Variants in KDM2B observed in about 807,000 individuals in gnomAD.
KDM2B encodes the protein lysine demethylase 2B.
A neutral mutation model predicts 150.0 loss-of-function variants in KDM2B; 26 were observed. That is an observed-to-expected ratio of 0.17 (90% CI 0.13 to 0.24). The LOEUF is 0.24. KDM2B is among the 10% of genes least tolerant of loss of function. The pLI is 1.00. For missense variants in KDM2B, 1,265 were observed against 1,816.9 expected (o/e 0.70, Z 5.52); for synonymous variants, 734 against 729.5 (o/e 1.01, Z -0.10).
At chr12:121,421,250 A>G in the KDM2B span, among the ~76,000 whole-genome samples, 1 of 151,886 alleles carries the variant, frequency 6.6e-6, no homozygotes, top group African/African-American at 2.4e-5. Flanking sequence ...AGAACTTCTG[A>G]ACTAGGCTGG....
chr12:121,550,320 A>AAAAG (rs1247842026), intron 4 of KDM2B, among the ~76,000 whole-genome samples: 2 of 151,816 alleles, frequency 1.3e-5, no homozygotes, highest in Non-Finnish European at 2.9e-5. Context: ...AAAAAAAAAA[A>AAAAG]AAAGAAAGAA....
At chr12:121,547,989 C>T (rs1215026459) in intron 6 of KDM2B, among the ~76,000 whole-genome samples, 2 of 152,166 alleles carry the variant, frequency 1.3e-5, no homozygotes, top group African/African-American at 2.4e-5. Context: ...TCAAAGGTGA[C>T]TTCCTCCTCC....
chr12:121,543,894 G>A (rs756846205), intron 6 of KDM2B, among the ~76,000 whole-genome samples: 5 of 151,820 alleles, frequency 3.3e-5, no homozygotes, highest in South Asian at 4.2e-4. Flanking sequence ...GGCCAAGGTC[G>A]GTGGACCACT....
chr12:121,558,258 CGA>C (rs782524579), intron 4 of KDM2B, among the ~76,000 whole-genome samples: 36 of 151,980 alleles, frequency 2.4e-4, no homozygotes, highest in Non-Finnish European at 2.4e-4. Flanking sequence ...ATCTGACACA[CGA>C]CTTCACAGAC....
At chr12:121,531,839 TC>T (rs1226752655) in intron 8 of KDM2B, among the ~76,000 whole-genome samples, 2 of 152,108 alleles carry the variant, frequency 1.3e-5, no homozygotes, top group African/African-American at 2.4e-5. Flanking sequence ...ACATGTGTAA[TC>T]CTAGCACTTT....
chr12:121,416,290 G>A, the KDM2B span: 3 of 1,614,142 alleles, frequency 1.9e-6, no homozygotes, highest in East Asian at 4.5e-5. Flanking sequence ...CAAACCCTGA[G>A]TTTTCCACCT....
At chr12:121,578,661 C>T (rs1243599773) in intron 2 of KDM2B, 141 bp downstream of exon 2, 1 of 328,416 alleles carries the variant, frequency 3.0e-6, no homozygotes, top group Non-Finnish European at 5.4e-6. Flanking sequence ...CCCACCCCCC[C>T]AGTGCTCGGC....
At chr12:121,425,293 C>T (rs904850600), downstream of KDM2B, among the ~76,000 whole-genome samples, 6 of 129,252 alleles carry the variant, frequency 4.6e-5, no homozygotes, top group African/African-American at 2.0e-4. Flanking sequence ...GGGCGACGAG[C>T]GAAACTCCGT....
intron 12 of KDM2B, chr12:121,470,596 T>C (rs1201495836): frequency 6.6e-6 from 1 of 152,080 alleles, no homozygotes; most frequent in African/African-American, 2.4e-5. Context: ...CCCCATAAGG[T>C]GGGTACTTGA....
intron 4 of KDM2B, among the ~76,000 whole-genome samples, chr12:121,570,173 C>T (rs781911734): frequency 6.6e-6 from 1 of 152,094 alleles, no homozygotes; most frequent in East Asian, 1.9e-4. Context: ...CCTCAGCCCC[C>T]CAAGTAGCTG....
At chr12:121,447,242 C>G (rs1417521291) in intron 13 of KDM2B, among the ~76,000 whole-genome samples, 1 of 150,606 alleles carries the variant, frequency 6.6e-6, no homozygotes, top group African/African-American at 2.5e-5. Context: ...AATTCCAGGT[C>G]TTCTCTTTTT....
rs536591216 is a variant in KDM2B at position 121,562,477 on chromosome 12, C to G, written c.397+12070G>C. ...CCAGCCTGAGCAACAGAGTGAGACT[C>G]TGTCTCAAAAAAAAAGTCTGGGGAC... On this transcript the variant is annotated intron_variant, in intron 4 of 22. Transcript: ENST00000377071. 3.9e-4 allele frequency among the ~76,000 whole-genome samples: 59 copies of G among 152,096 alleles called. 1 individual carries two copies. The highest frequency in any genetic ancestry group is 9.4e-4 in the African/African-American group (39 of 41,516).
intron 12 of KDM2B, among the ~76,000 whole-genome samples, chr12:121,460,976 C>T (rs1435663359): frequency 2.0e-5 from 3 of 152,254 alleles, no homozygotes; most frequent in Non-Finnish European, 2.9e-5. Flanking sequence ...TTAAGTCATC[C>T]GCCCGATGTC....
chr12:121,426,620 A>ATT (rs34070273), downstream of KDM2B, among the ~76,000 whole-genome samples: 32 of 113,534 alleles, frequency 2.8e-4, no homozygotes, highest in African/African-American at 5.1e-4. Context: ...ATTTTAAACA[A>ATT]TTTTTTTTTT....
At chr12:121,488,512 G>C (rs1883013494) in intron 12 of KDM2B, among the ~76,000 whole-genome samples, 1 of 152,194 alleles carries the variant, frequency 6.6e-6, no homozygotes, top group Non-Finnish European at 1.5e-5. Flanking sequence ...AACACAGCTA[G>C]TCAGTGGTGA....
At chr12:121,550,399 C>T (rs1196384292) in intron 4 of KDM2B, among the ~76,000 whole-genome samples, 1 of 152,266 alleles carries the variant, frequency 6.6e-6, no homozygotes, top group African/African-American at 2.4e-5. Flanking sequence ...TCACAGCCAC[C>T]TCAACAGGTT....
At position 121,518,065 on chromosome 12, in the gene KDM2B, G is replaced by A. The variant is rs1886380733; in HGVS notation, c.1047+2920C>T. ...ACACCACCATGCTCGGCTAATTTTT[G>A]TATTTTTAGTAGAGACAGGGTTTCA... On this transcript the variant is annotated intron_variant, in intron 9 of 22. Transcript: ENST00000377071. This position sits in a 1 kb window ranked among gnomAD's most constrained non-coding sequence, Gnocchi z 4.4. Among the ~76,000 whole-genome samples, 1 of 149,734 alleles carries A rather than the reference G, an allele frequency of 6.7e-6. No homozygotes were observed. The highest frequency in any genetic ancestry group is 1.5e-5 in the Non-Finnish European group (1 of 67,272).
At chr12:121,555,856 T>C (rs745461099) in intron 4 of KDM2B, among the ~76,000 whole-genome samples, 1 of 152,186 alleles carries the variant, frequency 6.6e-6, no homozygotes, top group Non-Finnish European at 1.5e-5. Flanking sequence ...GGTACCCTCC[T>C]TGCATAAAGA....
the KDM2B span, chr12:121,420,237 T>G: frequency 6.2e-7 from 1 of 1,608,924 alleles, no homozygotes. Flanking sequence ...GTTGTATAAG[T>G]GTAGGTACAA....
Sources: gnomAD v4.1 joint callset for allele counts (sites outside exome capture counted in the v4.1 genomes callset) on GRCh38, gnomAD v4.1.1 for gene constraint, Gnocchi (gnomAD v3.1) non-coding constraint, MANE v1.5 for transcripts, NCBI Gene and HGNC (gene_info 2026-07-23, HGNC 2026-07-21) for gene names.